Variants in UTRN observed in about 807,000 individuals in gnomAD.
UTRN encodes utrophin.
UTRN carries 283 observed loss-of-function variants against 463.9 expected under a neutral mutation model. The ratio of observed to expected loss-of-function variants is 0.61; its 90% CI spans 0.55 to 0.67. UTRN has a LOEUF of 0.67. Ranked by LOEUF, UTRN falls within the 30% of genes least tolerant of loss-of-function variation. UTRN has a pLI of 0.00. For missense variants in UTRN, 3,922 were observed against 4,084.3 expected (o/e 0.96, Z 1.08); for synonymous variants, 1,442 against 1,431.5 (o/e 1.01, Z -0.17).
intron 52 of UTRN, among the ~76,000 whole-genome samples, chr6:144,679,811 T>A (rs1266307673): frequency 6.6e-6 from 1 of 152,154 alleles, no homozygotes; most frequent in Non-Finnish European, 1.5e-5. Context: ...AAGGTTTTTA[T>A]TCTTCTGGAG....
rs1356789012 is a variant in UTRN, at chr6:144,827,580, A to G, written c.9534-31A>G. The G allele has an allele frequency of 2.5e-6, 4 of 1,612,540 alleles. No homozygotes were observed. In the South Asian group the frequency reaches 3.3e-5, roughly 13 times the overall value. The stretch of plus-strand genomic sequence containing the variant: ...GTAACACCTATCAATATTTGGGCAT[A>G]AAATTATTGCTTTGTTTTTTTCTTT... On this transcript the variant is annotated intron_variant, in intron 67 of 74. Coordinates refer to ENST00000367545, the MANE Select transcript of UTRN (RefSeq NM_007124.3).
chr6:144,711,072 CT>C (rs1785637664), intron 53 of UTRN, among the ~76,000 whole-genome samples: 1 of 152,176 alleles, frequency 6.6e-6, no homozygotes. Flanking sequence ...AATCCCAGCA[CT>C]TTGGGAAGCC....
rs115825019 is a variant in UTRN, at chr6:144,295,924, T to C, written c.79+4017T>C. On this transcript the variant is annotated intron_variant, in intron 2 of 74. Transcript: ENST00000367545. Reference sequence around the variant, plus strand: ...GCCTTTGCACATCTCTCTTCTTCCATCTTTGCCTGGCTGGTTCCTTCTTGT... The same window carrying C: ...GCCTTTGCACATCTCTCTTCTTCCACCTTTGCCTGGCTGGTTCCTTCTTGT... 5.6e-3 allele frequency among the ~76,000 whole-genome samples: 857 copies of C among 152,288 alleles called. 6 individuals carry two copies. Among genetic ancestry groups the C allele is most frequent in the African/African-American group, 0.02 (817 of 41,560 alleles).
At chr6:144,332,777 A>C (rs565988017) in intron 2 of UTRN, among the ~76,000 whole-genome samples, 1 of 152,052 alleles carries the variant, frequency 6.6e-6, no homozygotes, top group Non-Finnish European at 1.5e-5. Flanking sequence ...CTAAAACCTG[A>C]TAATTTTGGT....
intron 50 of UTRN, among the ~76,000 whole-genome samples, chr6:144,558,306 T>G (rs185263678): frequency 4.9e-4 from 74 of 152,306 alleles, no homozygotes; most frequent in Middle Eastern, 6.8e-3. Flanking sequence ...AGATATACCT[T>G]GGATACTGGA....
intron 52 of UTRN, among the ~76,000 whole-genome samples, chr6:144,681,907 C>T (rs1484219941): frequency 6.6e-6 from 1 of 152,072 alleles, no homozygotes; most frequent in East Asian, 1.9e-4. Flanking sequence ...TTGGTACAGG[C>T]ATGCATGCAA....
intron 51 of UTRN, among the ~76,000 whole-genome samples, chr6:144,639,649 G>A (rs989112299): frequency 1.3e-5 from 2 of 151,364 alleles, no homozygotes; most frequent in African/African-American, 4.9e-5. Context: ...TTCCACACCC[G>A]ATCAATCAAA....
intron 58 of UTRN, among the ~76,000 whole-genome samples, chr6:144,771,554 T>C (rs1267250500): frequency 6.6e-6 from 1 of 151,900 alleles, no homozygotes; most frequent in East Asian, 1.9e-4. Context: ...CCCTCCTGAG[T>C]AGCTAGGACT....
intron 54 of UTRN, among the ~76,000 whole-genome samples, chr6:144,732,723 G>A (rs534190087): frequency 5.0e-5 from 7 of 138,772 alleles, no homozygotes; most frequent in Non-Finnish European, 1.1e-4. Flanking sequence ...GTTATGTTAT[G>A]TTATTTTGAG....
rs1301795038 is a variant in UTRN, at chr6:144,827,594, G to GT, written c.9534-10dup. On this transcript the variant is annotated splice_polypyrimidine_tract_variant and intron_variant, in intron 67 of 74. Transcript: ENST00000367545. Reference sequence around the variant, plus strand: ...TATTTGGGCATAAAATTATTGCTTTGTTTTTTTCTTTTAAAGCCCCTCACA... The same window carrying GT: ...TATTTGGGCATAAAATTATTGCTTTGTTTTTTTTCTTTTAAAGCCCCTCACA... 1.9e-6 allele frequency: 3 copies of GT among 1,612,872 alleles called. No individual in the cohort carries two copies. The highest frequency in any genetic ancestry group is 2.5e-6 in the Non-Finnish European group (3 of 1,179,516).
At chr6:144,351,154 G>T (rs1778075821) in intron 2 of UTRN, among the ~76,000 whole-genome samples, 1 of 152,166 alleles carries the variant, frequency 6.6e-6, no homozygotes, top group Non-Finnish European at 1.5e-5. Flanking sequence ...CTGTTTTGGG[G>T]CTGTTGTCAG....
chr6:144,823,570 C>T (rs73596545), intron 66 of UTRN, among the ~76,000 whole-genome samples: 3,901 of 152,194 alleles, frequency 0.026, 164 homozygotes, highest in African/African-American at 0.087. Flanking sequence ...CCAGTAGTTA[C>T]ACATGCATGC....
intron 2 of UTRN, among the ~76,000 whole-genome samples, chr6:144,324,461 A>G (rs1584283281): frequency 6.6e-6 from 1 of 152,346 alleles, no homozygotes; most frequent in Non-Finnish European, 1.5e-5. Flanking sequence ...TTAATCATAA[A>G]GAGAATAATT....
chr6:144,371,001 A>G (rs1000855829), intron 2 of UTRN, among the ~76,000 whole-genome samples: 1 of 152,204 alleles, frequency 6.6e-6, no homozygotes, highest in Non-Finnish European at 1.5e-5. Context: ...TGACAGGTGT[A>G]CTGCCCCAGT....
At chr6:144,531,981 C>CA (rs1158940530) in intron 42 of UTRN, among the ~76,000 whole-genome samples, 1 of 151,802 alleles carries the variant, frequency 6.6e-6, no homozygotes, top group East Asian at 1.9e-4. Flanking sequence ...ACTAAAAATA[C>CA]AAAAAATTAG....
chr6:144,694,423 T>G (rs960279070), intron 52 of UTRN, among the ~76,000 whole-genome samples: 2 of 151,908 alleles, frequency 1.3e-5, no homozygotes, highest in African/African-American at 2.4e-5. Flanking sequence ...TAGGGAGGAG[T>G]TCTTCCTCCT....
intron 57 of UTRN, among the ~76,000 whole-genome samples, chr6:144,757,290 C>T (rs1237606279): frequency 1.4e-5 from 2 of 147,870 alleles, no homozygotes; most frequent in African/African-American, 5.0e-5. Flanking sequence ...AAATCTCAGT[C>T]ATAGTAAGGT....
At chr6:144,341,520 G>A (rs1283360194) in intron 2 of UTRN, among the ~76,000 whole-genome samples, 1 of 152,176 alleles carries the variant, frequency 6.6e-6, no homozygotes, top group Non-Finnish European at 1.5e-5. Context: ...CTTTTGAGAG[G>A]GAAGGAGAAA....
chr6:144,383,688 GA>G (rs1423692573), intron 2 of UTRN, among the ~76,000 whole-genome samples: 1 of 151,860 alleles, frequency 6.6e-6, no homozygotes, highest in Non-Finnish European at 1.5e-5. Flanking sequence ...TTGCTACAGG[GA>G]AAAAAAATGG....
Sources: gnomAD v4.1 joint callset for allele counts (sites outside exome capture counted in the v4.1 genomes callset) on GRCh38, gnomAD v4.1.1 for gene constraint, MANE v1.5 for transcripts, NCBI Gene and HGNC (gene_info 2026-07-23, HGNC 2026-07-21) for gene names.